TRPM3: variants seen among roughly 807,000 people sequenced by gnomAD.
The protein encoded by TRPM3 is transient receptor potential cation channel subfamily M member 3.
In TRPM3, 77 loss-of-function variants were observed where a neutral mutation model predicts 181.2. The ratio of observed to expected loss-of-function variants is 0.42; its 90% confidence interval spans 0.35 to 0.51. TRPM3 has a LOEUF of 0.51. Ranked by LOEUF, TRPM3 falls within the 20% of genes least tolerant of loss-of-function variation. The pLI, the probability that TRPM3 is intolerant of heterozygous loss-of-function variation, is 0.01. For missense variants in TRPM3, 1,759 were observed against 2,196.7 expected (o/e 0.80, Z 3.98); for synonymous variants, 745 against 796.4 (o/e 0.94, Z 1.09).
intron 1 of TRPM3, among the ~76,000 whole-genome samples, chr9:71,232,657 C>T (rs1370383370): frequency 6.6e-6 from 1 of 151,854 alleles, no homozygotes; most frequent in African/African-American, 2.4e-5. Context: ...CATGCCACCA[C>T]ACCCAGCTAA....
At chr9:70,592,609 C>T (rs1338160137) in intron 21 of TRPM3, among the ~76,000 whole-genome samples, 1 of 152,084 alleles carries the variant, frequency 6.6e-6, no homozygotes, top group African/African-American at 2.4e-5. Context: ...ACATAGAATA[C>T]AAAAGACTTT....
At chr9:70,650,516 T>C (rs2059469796) in intron 9 of TRPM3, among the ~76,000 whole-genome samples, 1 of 152,178 alleles carries the variant, frequency 6.6e-6, no homozygotes, top group African/African-American at 2.4e-5. Flanking sequence ...AGATCAAGTT[T>C]AATATTTTTT....
At position 70,536,812 on chromosome 9, in the gene TRPM3, T is replaced by C; in HGVS notation, c.4301A>G (p.Asn1434Ser). 1 of 1,614,152 alleles carries C rather than the reference T, an allele frequency of 6.2e-7. No homozygotes were observed. Among genetic ancestry groups the C allele is most frequent in the South Asian group, 1.1e-5 (1 of 91,074 alleles). Residue 1434 changes from asparagine (N) to serine (S), a missense_variant, in exon 26 of 26, where the codon AAC becomes AGC. Transcript: ENST00000677713. ...CDIDPLDNSV[N>S]ILGLGEPSFS... is the part of the protein sequence containing the mutation. ...GCTTGGCTCGCCCAGCCCAAGGATG[T>C]TCACGGAATTGTCCAGAGGGTCTAT...
chr9:70,853,425 C>A (rs2095298425), intron 3 of TRPM3, among the ~76,000 whole-genome samples: 1 of 152,190 alleles, frequency 6.6e-6, no homozygotes. Context: ...TCCTCAGGTA[C>A]CACATGAGCA....
At chr9:71,086,175 T>C (rs968175422) in intron 1 of TRPM3, among the ~76,000 whole-genome samples, 5 of 151,688 alleles carry the variant, frequency 3.3e-5, no homozygotes, top group Non-Finnish European at 4.4e-5. Flanking sequence ...AAGATGGCAA[T>C]AATAAACAGT....
rs139624261 is a variant in TRPM3, at chr9:70,687,648, C to T, written c.1273-6070G>A. Among the ~76,000 whole-genome samples, 674 of 152,260 alleles carry T rather than the reference C, an allele frequency of 4.4e-3. 1 individual carries two copies. Among genetic ancestry groups the T allele is most frequent in the Non-Finnish European group, 6.2e-3 (422 of 67,998 alleles). ...AGGCTAGATGGAATTTTGATTCTCA[C>T]GTTGAAGAGAAGCAAAATCTTTCAA... On this transcript the variant is annotated intron_variant, in intron 8 of 25. Coordinates refer to ENST00000677713, the MANE Select transcript of TRPM3 (RefSeq NM_001366145.2).
At chr9:70,968,868 G>A (rs1435274392) in intron 1 of TRPM3, among the ~76,000 whole-genome samples, 2 of 151,852 alleles carry the variant, frequency 1.3e-5, no homozygotes, top group Non-Finnish European at 2.9e-5. Context: ...AACTCAAGAT[G>A]GATTAAAGAC....
intron 1 of TRPM3, among the ~76,000 whole-genome samples, chr9:71,284,720 C>T (rs2085137983): frequency 6.6e-6 from 1 of 152,174 alleles, no homozygotes; most frequent in African/African-American, 2.4e-5. Context: ...CATTTACTAA[C>T]TTTGCACTTT....
At chr9:70,841,267 A>G (rs1483851694) in intron 5 of TRPM3, among the ~76,000 whole-genome samples, 1 of 152,082 alleles carries the variant, frequency 6.6e-6, no homozygotes, top group African/African-American at 2.4e-5. Context: ...TGCCTATATA[A>G]CACTTAGGAA....
chr9:71,003,810 A>G (rs1417297383), intron 1 of TRPM3, among the ~76,000 whole-genome samples: 1 of 151,890 alleles, frequency 6.6e-6, no homozygotes, highest in Non-Finnish European at 1.5e-5. Flanking sequence ...AGAATACCAC[A>G]CTGAATTCAA....
At chr9:71,345,597 G>A (rs1266616853) in intron 1 of TRPM3, among the ~76,000 whole-genome samples, 3 of 151,926 alleles carry the variant, frequency 2.0e-5, no homozygotes, top group Non-Finnish European at 4.4e-5. Context: ...CGGGGGGTGG[G>A]GGGCAAGGGG....
At chr9:71,004,534 C>T (rs1327120164) in intron 1 of TRPM3, among the ~76,000 whole-genome samples, 1 of 152,202 alleles carries the variant, frequency 6.6e-6, no homozygotes, top group Non-Finnish European at 1.5e-5. Flanking sequence ...GGGAGGTCTC[C>T]TCCTATATGC....
intron 1 of TRPM3, among the ~76,000 whole-genome samples, chr9:71,420,754 A>G (rs2093728904): frequency 9.1e-6 from 1 of 109,648 alleles, no homozygotes; most frequent in Non-Finnish European, 1.9e-5. Flanking sequence ...AGAAAGAGAG[A>G]GAAAGAGAGA....
intron 5 of TRPM3, among the ~76,000 whole-genome samples, chr9:70,842,289 T>G (rs1266117503): frequency 2.0e-5 from 3 of 152,102 alleles, no homozygotes; most frequent in Non-Finnish European, 2.9e-5. Context: ...AATGCCTGCA[T>G]TGCCATTGGT....
At chr9:70,655,356 C>T (rs7034849) in intron 9 of TRPM3, among the ~76,000 whole-genome samples, 58,937 of 146,114 alleles carry the variant, frequency 0.4, 12,886 homozygotes, top group African/African-American at 0.57. Flanking sequence ...AATAATATGG[C>T]CTTTGTGCAT....
chr9:71,257,076 C>T (rs181668946), intron 1 of TRPM3, among the ~76,000 whole-genome samples: 39 of 152,302 alleles, frequency 2.6e-4, no homozygotes, highest in Admixed American at 2.4e-3. Flanking sequence ...TTGCAGAGCA[C>T]TCTGGGAAAT....
intron 1 of TRPM3, among the ~76,000 whole-genome samples, chr9:71,147,255 T>C (rs1264819271): frequency 3.9e-5 from 6 of 152,150 alleles, no homozygotes; most frequent in Middle Eastern, 3.2e-3. Flanking sequence ...TGTGGCTTAA[T>C]ATTCCTTCAT....
At chr9:70,789,010 T>C (rs1030343432) in intron 6 of TRPM3, among the ~76,000 whole-genome samples, 7 of 152,296 alleles carry the variant, frequency 4.6e-5, no homozygotes, top group East Asian at 1.9e-4. Context: ...GGACAGGGGA[T>C]TGGGGACTCC....
intron 1 of TRPM3, among the ~76,000 whole-genome samples, chr9:71,422,005 C>G (rs2093784426): frequency 6.6e-6 from 1 of 151,814 alleles, no homozygotes; most frequent in African/African-American, 2.4e-5. Flanking sequence ...TTTGAAGATG[C>G]TACATAAGTC....
Sources: allele counts gnomAD v4.1 joint callset (sites outside exome capture counted in the v4.1 genomes callset), GRCh38; gene constraint gnomAD v4.1.1; transcripts MANE v1.5; gene names NCBI Gene and HGNC (gene_info 2026-07-23, HGNC 2026-07-21).